AGTPBP1: variants seen among roughly 807,000 people sequenced by gnomAD.
The protein encoded by AGTPBP1 is cytosolic carboxypeptidase 1.
In AGTPBP1, 70 loss-of-function variants were observed where a neutral mutation model predicts 143.9. The observed-to-expected ratio is 0.49, with a 90% CI of 0.40 to 0.59. The LOEUF (loss-of-function observed/expected upper bound fraction) is 0.59, where lower values mean the gene tolerates loss of function less well. Among genes scored for constraint, AGTPBP1 ranks in the 20% least tolerant of loss-of-function variants. AGTPBP1 has a pLI of 0.00. For synonymous variants in AGTPBP1, 463 were observed against 500.2 expected (o/e 0.93, Z 0.99); for missense variants, 1,229 against 1,464.5 (o/e 0.84, Z 2.62).
At chr9:85,760,459 T>C in the AGTPBP1 span, among the ~76,000 whole-genome samples, 1 of 152,174 alleles carries the variant, frequency 6.6e-6, no homozygotes, top group Non-Finnish European at 1.5e-5. Flanking sequence ...GCAAGGCTGG[T>C]TCAACATACG....
intron 18 of AGTPBP1, among the ~76,000 whole-genome samples, chr9:85,594,540 G>A (rs1005144989): frequency 1.4e-4 from 22 of 151,924 alleles, no homozygotes; most frequent in African/African-American, 4.6e-4. Flanking sequence ...GCAGTGAGTC[G>A]GACTGCACCA....
intron 8 of AGTPBP1, among the ~76,000 whole-genome samples, chr9:85,663,624 A>G (rs1833966828): frequency 6.6e-6 from 1 of 152,102 alleles, no homozygotes; most frequent in Admixed American, 6.6e-5. Context: ...GGGGGAAAAA[A>G]AAAAAACAAT....
At chr9:85,575,072 G>A (rs1384981255) in intron 25 of AGTPBP1, among the ~76,000 whole-genome samples, 1 of 152,042 alleles carries the variant, frequency 6.6e-6, no homozygotes, top group Non-Finnish European at 1.5e-5. Flanking sequence ...TCATTTTGGG[G>A]TTAAAAGTAA....
the AGTPBP1 span, among the ~76,000 whole-genome samples, chr9:85,762,875 T>C: frequency 6.7e-6 from 1 of 149,058 alleles, no homozygotes; most frequent in Admixed American, 6.7e-5. Flanking sequence ...TACATATATA[T>C]AGAAAGAAAT....
intron 17 of AGTPBP1, among the ~76,000 whole-genome samples, chr9:85,597,796 G>A (rs1252137018): frequency 1.4e-5 from 2 of 143,234 alleles, no homozygotes; most frequent in Non-Finnish European, 3.0e-5. Context: ...AATAAATTAT[G>A]TTGACAGGTT....
At chr9:85,771,440 C>T in the AGTPBP1 span, among the ~76,000 whole-genome samples, 2,562 of 152,188 alleles carry the variant, frequency 0.017, 76 homozygotes, top group African/African-American at 0.058. Context: ...CACTACTGCA[C>T]TTCAGTCTGG....
intron 24 of AGTPBP1, among the ~76,000 whole-genome samples, chr9:85,576,814 G>T (rs967524810): frequency 3.9e-5 from 6 of 152,082 alleles, no homozygotes; most frequent in African/African-American, 1.4e-4. Context: ...AACTTTTTTA[G>T]AAGTATATGT....
chr9:85,549,012 T>C (rs2118331396), intron 25 of AGTPBP1, among the ~76,000 whole-genome samples: 1 of 152,324 alleles, frequency 6.6e-6, no homozygotes, highest in African/African-American at 2.4e-5. Context: ...ATGTTTCTTT[T>C]GAAATATAAT....
the AGTPBP1 span, among the ~76,000 whole-genome samples, chr9:85,772,992 A>G: frequency 6.6e-6 from 1 of 152,010 alleles, no homozygotes; most frequent in Non-Finnish European, 1.5e-5. Flanking sequence ...TCGGCTGGGC[A>G]CAGTGGCTCA....
chr9:85,647,238 T>C (rs1832872938), intron 11 of AGTPBP1, among the ~76,000 whole-genome samples: 1 of 152,108 alleles, frequency 6.6e-6, no homozygotes, highest in South Asian at 2.1e-4. Flanking sequence ...GATCGCGCCA[T>C]TGCACTCCAG....
chr9:85,551,346 A>T (rs1826028486), intron 25 of AGTPBP1, among the ~76,000 whole-genome samples: 1 of 152,234 alleles, frequency 6.6e-6, no homozygotes, highest in South Asian at 2.1e-4. Flanking sequence ...TCTCATCTTC[A>T]GATGTTCATC....
At position 85,546,976 on chromosome 9, in the gene AGTPBP1, A is replaced by G; in HGVS notation, c.*133T>C. On this transcript the variant is annotated 3_prime_UTR_variant, in exon 26 of 26. Transcript: ENST00000357081. ...TTAATAACACATTTATTATCTTGAA[A>G]CCAAACTGGCCCAAGTTACTTTTTG... is the stretch of plus-strand genomic sequence containing the variant. The G allele has an allele frequency of 1.2e-6, 1 of 862,498 alleles. No homozygotes were observed. The highest frequency in any genetic ancestry group is 1.6e-6 in the Non-Finnish European group (1 of 618,338). 53.4% of individuals were successfully genotyped at this position (862,498 alleles called of 1,614,324 possible). A position where few individuals can be genotyped will look rare whatever the true frequency, so the allele number is the denominator to read the frequency against.
chr9:85,634,958 A>C (rs1450342058), intron 13 of AGTPBP1, among the ~76,000 whole-genome samples: 2 of 152,176 alleles, frequency 1.3e-5, no homozygotes, highest in African/African-American at 4.8e-5. Context: ...GTTTTTTAAA[A>C]AAAAATTTCT....
At chr9:85,781,192 T>C in the AGTPBP1 span, 1 of 1,474,788 alleles carries the variant, frequency 6.8e-7, no homozygotes, top group South Asian at 1.4e-5. Context: ...TGCAAATTTT[T>C]GTTGTATAGA....
rs562234810 is a variant in AGTPBP1 at position 85,590,305 on chromosome 9, TAC to T, written c.2569-626_2569-625del. Among the ~76,000 whole-genome samples the T allele has an allele frequency of 3.1e-4, 47 of 152,256 alleles. No homozygotes were observed. The East Asian group carries it at 8.9e-3, about 29-fold the overall frequency. Reference sequence around the variant, plus strand: ...CAATGTATGTAAGCAAAACCATGATTACAGACTTTTATAATTTGATTTTATCA... The same window carrying T: ...CAATGTATGTAAGCAAAACCATGATTAGACTTTTATAATTTGATTTTATCA... On this transcript the variant is annotated intron_variant, in intron 19 of 25. Transcript: ENST00000357081.
intron 12 of AGTPBP1, among the ~76,000 whole-genome samples, chr9:85,645,487 A>G (rs1832757703): frequency 1.3e-5 from 2 of 152,280 alleles, no homozygotes; most frequent in South Asian, 4.1e-4. Context: ...TACCTTGGTG[A>G]TCACATTTGC....
chr9:85,710,704 AAAAC>A (rs1837312018), intron 2 of AGTPBP1, among the ~76,000 whole-genome samples: 1 of 152,160 alleles, frequency 6.6e-6, no homozygotes, highest in Admixed American at 6.5e-5. Flanking sequence ...AACAACAAAA[AAAAC>A]AAATATCCAA....
chr9:85,603,932 T>G (rs1254370606), intron 17 of AGTPBP1, among the ~76,000 whole-genome samples: 1 of 151,608 alleles, frequency 6.6e-6, no homozygotes, highest in Non-Finnish European at 1.5e-5. Flanking sequence ...TGGGAAGAAC[T>G]TTGTCTTGCA....
chr9:85,761,862 T>C, the AGTPBP1 span, among the ~76,000 whole-genome samples: 6 of 152,184 alleles, frequency 3.9e-5, no homozygotes, highest in Non-Finnish European at 8.8e-5. Context: ...AGAAAATTTT[T>C]GCAATCTACT....
Sources: gnomAD v4.1 joint callset for allele counts (sites outside exome capture counted in the v4.1 genomes callset) on GRCh38, gnomAD v4.1.1 for gene constraint, MANE v1.5 for transcripts, NCBI Gene and HGNC (gene_info 2026-07-23, HGNC 2026-07-21) for gene names.